Variants in OFD1 observed in about 807,000 individuals in gnomAD.
OFD1 encodes the protein OFD1 centriole and centriolar satellite protein, also known as centriole and centriolar satellite protein OFD1.
A neutral mutation model predicts 81.4 loss-of-function variants in OFD1; 12 were observed. The ratio of observed to expected loss-of-function variants is 0.15; its 90% CI spans 0.09 to 0.24. The LOEUF is 0.24. Ranked by LOEUF, OFD1 falls within the 10% of genes least tolerant of loss-of-function variation. OFD1 has a pLI of 1.00. For missense variants in OFD1, 685 were observed against 733.9 expected (o/e 0.93, Z 0.77); for synonymous variants, 256 against 263.7 (o/e 0.97, Z 0.28).
chrX:13,770,217 T>C (rs16992218), downstream of OFD1, among the ~76,000 whole-genome samples: 1,576 of 112,233 alleles, frequency 0.014, 31 homozygotes, highest in African/African-American at 0.048. Context: ...AGTTTTCCTC[T>C]GGTGACTCAT....
At chrX:13,767,032 C>A in intron 19 of OFD1, 95 bp from the exon 20 acceptor site, 1 of 859,454 alleles carries the variant, frequency 1.2e-6, no homozygotes, top group Non-Finnish European at 1.7e-6. Context: ...CAAGCAGAGT[C>A]TCCGTGGGTC....
intron 5 of OFD1, 40 bp downstream of exon 5, chrX:13,739,072 C>G (rs1299417863): frequency 1.8e-6 from 2 of 1,142,457 alleles, no homozygotes; most frequent in South Asian, 3.8e-5. Flanking sequence ...CAACAGTTTT[C>G]TATGTACTTT....
At chrX:13,759,225 C>T (rs752439000) in intron 15 of OFD1, among the ~76,000 whole-genome samples, 2 of 112,235 alleles carry the variant, frequency 1.8e-5, no homozygotes, top group Non-Finnish European at 1.9e-5. Context: ...ATTGTTTCCT[C>T]ATCAGCTCCT....
the OFD1 span, chrX:13,719,777 G>T: frequency 1.5e-6 from 1 of 669,490 alleles, no homozygotes; most frequent in Non-Finnish European, 2.2e-6. Flanking sequence ...TCATTTAATT[G>T]TGGTGGATTT....
rs1163462212 is a variant in OFD1 at position 13,761,009 on chromosome X, A to T, written c.2261-76A>T. 3 of 1,128,829 alleles carry T rather than the reference A, an allele frequency of 2.7e-6. No individual in the cohort carries two copies. In the African/African-American group the frequency reaches 5.4e-5, roughly 20 times the overall value. 93.0% of individuals were successfully genotyped at this position (1,128,829 alleles called of 1,213,427 possible). The stretch of plus-strand genomic sequence containing the variant: ...TAACAGTTTATTTTCAAACTAGTAG[A>T]GCTCTTTAGAAACCACGTTGGTATC... On this transcript the variant is annotated intron_variant, in intron 16 of 22. Transcript: ENST00000340096.
At chrX:13,723,041 G>A in the OFD1 span, among the ~76,000 whole-genome samples, 1 of 101,920 alleles carries the variant, frequency 9.8e-6, no homozygotes, top group African/African-American at 3.7e-5. Context: ...CTTGCAGTGA[G>A]CCAAGATCGT....
In OFD1 at chrX:13,734,812, G is replaced by A; in HGVS notation, c.-260G>A. The A allele has an allele frequency of 9.3e-7, 1 of 1,075,036 alleles. No homozygotes were observed. The allele number at this position is 1,075,036 out of a possible 1,213,427, so 88.6% of individuals were successfully genotyped here. A position where few individuals can be genotyped will look rare whatever the true frequency, so the allele number is the denominator to read the frequency against. On this transcript the variant is annotated 5_prime_UTR_variant, in exon 1 of 23. Coordinates refer to ENST00000340096, the MANE Select transcript of OFD1 (RefSeq NM_003611.3). ...CTAGTGTCTGGGTCCCCGCCCTCCAGCCGCCTTTGAGTCGTGCCTGGGTCC... is the reference window on the plus strand; with the variant it reads ...CTAGTGTCTGGGTCCCCGCCCTCCAACCGCCTTTGAGTCGTGCCTGGGTCC...
intron 8 of OFD1, among the ~76,000 whole-genome samples, chrX:13,748,590 C>T (rs73451143): frequency 0.011 from 1,185 of 111,866 alleles, 15 homozygotes; most frequent in African/African-American, 0.037. Flanking sequence ...TCCCAGTATG[C>T]TGCTTGACAT....
the OFD1 span, chrX:13,720,008 T>G: frequency 1.0e-6 from 1 of 956,963 alleles, no homozygotes; most frequent in Non-Finnish European, 1.4e-6. Context: ...ATAGTACATA[T>G]TTTTAGTAGT....
chrX:13,754,756 A>G (rs1602872498), intron 11 of OFD1, among the ~76,000 whole-genome samples: 1 of 112,859 alleles, frequency 8.9e-6, no homozygotes, highest in East Asian at 2.8e-4. Context: ...CATTAATACC[A>G]TTACGTATGT....
downstream of OFD1, chrX:13,772,896 G>T: frequency 1.7e-6 from 2 of 1,210,579 alleles, no homozygotes; most frequent in South Asian, 3.5e-5. Flanking sequence ...TGTAAGAATT[G>T]AGTTGTTCTT....
In OFD1 at chrX:13,760,158, C is replaced by A. The variant is rs1019902525; in HGVS notation, c.1698C>A (p.Ile566=). The A allele has an allele frequency of 8.3e-7, 1 of 1,211,611 alleles. No homozygotes were observed. The highest frequency in any genetic ancestry group is 1.1e-6 in the Non-Finnish European group (1 of 895,243). ...ACTGCAATCCAAAGCAGTCTGTGATCGATCGTTCTGTCAATGGATTAATAA... is the reference window on the plus strand; with the variant it reads ...ACTGCAATCCAAAGCAGTCTGTGATAGATCGTTCTGTCAATGGATTAATAA... ...EVYCNPKQSV[I]DRSVNGLING... Residue 566 remains isoleucine, a synonymous_variant, in exon 16 of 23, where the codon ATC becomes ATA. Coordinates refer to ENST00000340096, the MANE Select transcript of OFD1 (RefSeq NM_003611.3).
At chrX:13,763,918 CTG>C in intron 19 of OFD1, 63 bp downstream of exon 19, 1 of 854,537 alleles carries the variant, frequency 1.2e-6, no homozygotes, top group Non-Finnish European at 1.7e-6. Context: ...TCCGTGTGCT[CTG>C]TGAATTATTT....
intron 8 of OFD1, among the ~76,000 whole-genome samples, chrX:13,748,654 C>A (rs1253888481): frequency 8.9e-6 from 1 of 111,806 alleles, no homozygotes; most frequent in African/African-American, 3.3e-5. Context: ...GGAAGGATGG[C>A]CCATTCTTTT....
At chrX:13,756,812 G>A (rs763698917) in intron 13 of OFD1, 45 bp downstream of exon 13, 22 of 958,657 alleles carry the variant, frequency 2.3e-5, no homozygotes, top group African/African-American at 9.6e-5. Flanking sequence ...TTAGTAATTC[G>A]CATTAGGTCA....
At position 13,744,398 on chromosome X, in the gene OFD1, A is replaced by G. The variant is rs1197370460; in HGVS notation, c.413-17A>G. On this transcript the variant is annotated splice_polypyrimidine_tract_variant and intron_variant, in intron 5 of 22. Coordinates refer to ENST00000340096, the MANE Select transcript of OFD1 (RefSeq NM_003611.3). Reference sequence around the variant, plus strand: ...GTTGAAAGTTCTGAAACAAAACTGTATGCATATGTTTTTTAGGTTTTCTTA... The same window carrying G: ...GTTGAAAGTTCTGAAACAAAACTGTGTGCATATGTTTTTTAGGTTTTCTTA... 1 of 931,521 alleles carries G rather than the reference A, an allele frequency of 1.1e-6. No homozygotes were observed. The allele number at this position is 931,521 out of a possible 1,213,427, so 76.8% of individuals were successfully genotyped here. A position where few individuals can be genotyped will look rare whatever the true frequency, so the allele number is the denominator to read the frequency against.
At chrX:13,758,241 C>T in intron 14 of OFD1, 96 bp from the exon 15 acceptor site, 1 of 608,471 alleles carries the variant, frequency 1.6e-6, no homozygotes, top group South Asian at 2.5e-5. Flanking sequence ...ATTGGCAGAA[C>T]AAAAAGAGTA....
At chrX:13,743,240 A>G (rs2047174412) in intron 5 of OFD1, among the ~76,000 whole-genome samples, 1 of 112,677 alleles carries the variant, frequency 8.9e-6, no homozygotes, top group South Asian at 3.6e-4. Context: ...AAAACTATGT[A>G]TTTGTAATTA....
chrX:13,763,900 AAT>A (rs748987046), intron 19 of OFD1, 45 bp downstream of exon 19: 25 of 925,399 alleles, frequency 2.7e-5, no homozygotes, highest in Non-Finnish European at 3.9e-5. Flanking sequence ...TCGCATACTA[AAT>A]ACCAGTCCGT....
Sources: gnomAD v4.1 joint callset for allele counts (sites outside exome capture counted in the v4.1 genomes callset) on GRCh38, gnomAD v4.1.1 for gene constraint, MANE v1.5 for transcripts, NCBI Gene and HGNC (gene_info 2026-07-23, HGNC 2026-07-21) for gene names.